Variants in FLNB observed in about 807,000 individuals in gnomAD.
FLNB encodes filamin-B.
In FLNB, 111 loss-of-function variants were observed where a neutral mutation model predicts 250.6. The ratio of observed to expected loss-of-function variants is 0.44; its 90% CI spans 0.38 to 0.52. FLNB has a LOEUF of 0.52. Ranked by LOEUF, FLNB falls within the 20% of genes least tolerant of loss-of-function variation. FLNB has a pLI of 0.00. For synonymous variants in FLNB, 1,302 were observed against 1,372.1 expected (o/e 0.95, Z 1.13); for missense variants, 2,869 against 3,447.8 (o/e 0.83, Z 4.20).
intron 31 of FLNB, 117 bp from the exon 32 acceptor site, chr3:58,143,356 C>A: frequency 9.5e-7 from 1 of 1,047,338 alleles, no homozygotes; most frequent in Non-Finnish European, 1.5e-6. Context: ...TTTTAGGCAG[C>A]AACGAATGTT....
chr3:58,107,351 T>C (rs2097261413), intron 12 of FLNB, among the ~76,000 whole-genome samples: 1 of 152,178 alleles, frequency 6.6e-6, no homozygotes, highest in Non-Finnish European at 1.5e-5. Context: ...ATTTGAATCC[T>C]GGTAGTAGCA....
At chr3:58,058,120 C>T (rs977159957) in intron 1 of FLNB, among the ~76,000 whole-genome samples, 1 of 152,088 alleles carries the variant, frequency 6.6e-6, no homozygotes, top group Admixed American at 6.6e-5. Flanking sequence ...ACTCAAGCTT[C>T]GTGGCTCATT....
chr3:58,108,605 G>C (rs893090772), intron 13 of FLNB, 34 bp downstream of exon 13: 1 of 1,395,694 alleles, frequency 7.2e-7, no homozygotes, highest in Non-Finnish European at 1.0e-6. Flanking sequence ...GCAGGTAATT[G>C]TCAGGTAACA....
chr3:58,104,078 C>A lies in FLNB; in HGVS notation c.1603C>A (p.Pro535Thr). ...IAITWGGHHI[P>T]KSPFEVQVGP... The stretch of plus-strand genomic sequence containing the variant: ...CATCACATGGGGGGGACACCACATT[C>A]CAAAGAGGTGAGGCTCCTGCTGCAG... The change falls in exon 10 of 46, where the codon CCA (proline) becomes ACA (threonine). Residue 535 changes from proline to threonine, a missense_variant. Physicochemically the swap from Pro to Thr is conservative, Grantham distance 38 (BLOSUM62 -1). Around this residue, in one of 5 missense-constraint regions of FLNB, gnomAD observed 1,348 missense variants for 1,466.7 expected, o/e 0.92. Transcript: ENST00000295956. The A allele has an allele frequency of 6.2e-7, 1 of 1,613,774 alleles. No homozygotes were observed. The highest frequency in any genetic ancestry group is 8.5e-7 in the Non-Finnish European group (1 of 1,179,996).
chr3:58,023,533 G>A (rs962894275), intron 1 of FLNB, among the ~76,000 whole-genome samples: 4 of 152,124 alleles, frequency 2.6e-5, no homozygotes, highest in South Asian at 2.1e-4. Context: ...ACTTTTAGGG[G>A]ATTTTGCTTA....
chr3:58,114,117 TTTTG>T (rs2097273792), intron 18 of FLNB, among the ~76,000 whole-genome samples: 1 of 152,150 alleles, frequency 6.6e-6, no homozygotes, highest in African/African-American at 2.4e-5. Flanking sequence ...TTCGTCTGTT[TTTTG>T]TTTGTTTTTT....
chr3:58,100,373 A>AAAATATATATATATATATATATATATAT lies in FLNB; in HGVS notation c.1345+1466_1345+1467insAATATATATATATATATATATATATATA. Among the ~76,000 whole-genome samples, 92 of 104,336 alleles carry AAAATATATATATATATATATATATATAT rather than the reference A, an allele frequency of 8.8e-4. 1 individual carries two copies. The highest frequency in any genetic ancestry group is 1.4e-3 in the East Asian group (4 of 2,954). The allele number at this position is 104,336 out of a possible 152,430, so 68.4% of individuals were successfully genotyped here. A position where few individuals can be genotyped will look rare whatever the true frequency, so the allele number is the denominator to read the frequency against. On this transcript the variant is annotated intron_variant, in intron 8 of 45. Coordinates refer to ENST00000295956, the MANE Select transcript of FLNB (RefSeq NM_001457.4). ...AATGATTTTACATATGTAAAAAAAAAATATATATATATTTGCAGGGGCGCG... is the reference window on the plus strand; with the variant it reads ...AATGATTTTACATATGTAAAAAAAAAAAATATATATATATATATATATATATATATATATATATATTTGCAGGGGCGCG...
chr3:58,111,689 G>A lies in FLNB; in HGVS notation c.2485-102G>A, dbSNP rs115164381. On this transcript the variant is annotated intron_variant, in intron 16 of 45. Coordinates refer to ENST00000295956, the MANE Select transcript of FLNB (RefSeq NM_001457.4). The stretch of plus-strand genomic sequence containing the variant: ...GGTAATAGAAGTCTGCTCACCACTC[G>A]CTAAGTCAGAGTGATGCTAAGGTTC... The A allele has an allele frequency of 5.2e-3, 4,374 of 843,750 alleles. 16 individuals are homozygous for A. Among genetic ancestry groups the A allele is most frequent in the Non-Finnish European group, 6.8e-3 (3,377 of 495,002 alleles). The allele number at this position is 843,750 out of a possible 1,614,324, so 52.3% of individuals were successfully genotyped here.
intron 1 of FLNB, among the ~76,000 whole-genome samples, chr3:58,037,395 A>G (rs371863953): frequency 1.3e-5 from 2 of 152,280 alleles, no homozygotes; most frequent in South Asian, 2.1e-4. Flanking sequence ...CTGCAATGCA[A>G]GTTGTCCTCA....
intron 2 of FLNB, chr3:58,078,165 G>A (rs957162323): frequency 1.6e-6 from 1 of 639,002 alleles, no homozygotes; most frequent in East Asian, 1.4e-4. Context: ...TCAAAGTGCA[G>A]CATTAATTGA....
chr3:58,159,808 C>T, intron 42 of FLNB, 122 bp downstream of exon 42: 3 of 1,064,262 alleles, frequency 2.8e-6, no homozygotes, highest in Non-Finnish European at 4.2e-6. Flanking sequence ...TCTGAATTCC[C>T]TTTGCTGTTG....
At chr3:58,100,888 C>T (rs1302377193) in intron 8 of FLNB, among the ~76,000 whole-genome samples, 2 of 152,116 alleles carry the variant, frequency 1.3e-5, no homozygotes, top group African/African-American at 4.8e-5. Flanking sequence ...CATAAGCCAC[C>T]ATGCCTGACC....
intron 1 of FLNB, among the ~76,000 whole-genome samples, chr3:58,025,535 C>T (rs1301525872): frequency 1.3e-5 from 2 of 152,168 alleles, no homozygotes; most frequent in Non-Finnish European, 2.9e-5. Context: ...TGTGTTTGCT[C>T]CTGGGCCTGA....
At chr3:58,071,787 C>T (rs143903491) in intron 1 of FLNB, among the ~76,000 whole-genome samples, 96 of 152,260 alleles carry the variant, frequency 6.3e-4, no homozygotes, top group Non-Finnish European at 1.3e-3. Flanking sequence ...TCTGGGAACT[C>T]CCTGGATGGT....
chr3:58,067,266 C>A (rs1334510887), intron 1 of FLNB, among the ~76,000 whole-genome samples: 1 of 152,054 alleles, frequency 6.6e-6, no homozygotes, highest in Non-Finnish European at 1.5e-5. Context: ...ACTTGGTGCT[C>A]CTGATCTACT....
intron 1 of FLNB, among the ~76,000 whole-genome samples, chr3:58,025,743 T>A (rs2097122718): frequency 1.3e-5 from 2 of 152,188 alleles, no homozygotes; most frequent in Admixed American, 1.3e-4. Context: ...CTGGCCAACA[T>A]GGCGAAACCC....
At chr3:58,089,546 C>CA (rs75200893) in intron 4 of FLNB, among the ~76,000 whole-genome samples, 9,031 of 59,224 alleles carry the variant, frequency 0.15, 396 homozygotes, top group Middle Eastern at 0.19. Context: ...GACTCCATCT[C>CA]AAAAAAAAAA....
chr3:58,126,508 A>C, intron 23 of FLNB, 94 bp from the exon 24 acceptor site: 1 of 1,216,908 alleles, frequency 8.2e-7, no homozygotes, highest in Non-Finnish European at 1.2e-6. Context: ...GCTACGTGGA[A>C]TAGTTTATAA....
intron 23 of FLNB, 49 bp from the exon 24 acceptor site, chr3:58,126,553 C>G (rs984318425): frequency 1.9e-6 from 3 of 1,592,992 alleles, no homozygotes; most frequent in Non-Finnish European, 2.6e-6. Flanking sequence ...ATAAGCAGAC[C>G]AGCATAAATA....
Sources: gnomAD v4.1 joint callset for allele counts (sites outside exome capture counted in the v4.1 genomes callset) on GRCh38, gnomAD v4.1.1 for gene constraint, gnomAD v4.1.1 regional missense constraint, MANE v1.5 for transcripts, NCBI Gene and HGNC (gene_info 2026-07-23, HGNC 2026-07-21) for gene names.